Variants in FAT2 observed in about 807,000 individuals in gnomAD.
FAT2 encodes the protein FAT atypical cadherin 2, also known as protocadherin Fat 2.
Under a neutral mutation model 295.3 loss-of-function variants are expected in FAT2, and 150 were observed. That is an observed-to-expected ratio of 0.51 (90% CI 0.44 to 0.58). FAT2 has a LOEUF of 0.58. Among genes scored for constraint, FAT2 ranks in the 20% least tolerant of loss-of-function variants. FAT2 has a pLI of 0.00. For missense variants in FAT2, 4,868 were observed against 5,442.7 expected, an observed-to-expected ratio of 0.89 and a Z score of 3.32; for synonymous variants, 2,026 against 2,150.3, an observed-to-expected ratio of 0.94 and a Z score of 1.60.
Position 151,563,603 on chromosome 5 carries a change from A to G in FAT2, c.3296T>C (p.Phe1099Ser), listed in dbSNP as rs141548933. The G allele has an allele frequency of 1.2e-4, 192 of 1,614,170 alleles. 1 individual carries two copies. The African/African-American group carries it at 2.4e-3, about 20-fold the overall frequency. ...IQTLAPLDRE[F>S]ASYYWLTVLA... is the part of the protein sequence containing the mutation. ...TACCGTCAACCAGTAGTAAGATGCAAATTCTCGGTCCAGGGGTGCCAGAGT... is the reference window on the plus strand; with the variant it reads ...TACCGTCAACCAGTAGTAAGATGCAGATTCTCGGTCCAGGGGTGCCAGAGT... Residue 1099 changes from phenylalanine to serine, a missense_variant, in exon 3 of 24, where the codon TTT becomes TCT. Transcript: ENST00000261800.
intron 13 of FAT2, among the ~76,000 whole-genome samples, chr5:151,532,779 G>A (rs543195476): frequency 1.6e-4 from 24 of 152,280 alleles, no homozygotes; most frequent in African/African-American, 4.3e-4. Context: ...TTTAAGGCTC[G>A]GCTGTGAGGT....
chr5:151,568,512 G>A lies in FAT2; in HGVS notation c.420C>T (p.Asp140=), dbSNP rs761813207. The change falls in exon 2 of 24, where the codon GAC becomes GAT. Residue 140 remains aspartate, a synonymous_variant. Transcript: ENST00000261800. ...AGAAGAGAGGCTTCAGGTCATTCTGGTCCAGGATGTGGACCACCACACGGG... is the reference window on the plus strand; with the variant it reads ...AGAAGAGAGGCTTCAGGTCATTCTGATCCAGGATGTGGACCACCACACGGG... ...ALTRVVVHIL[D]QNDLKPLFSP... The A allele has an allele frequency of 3.1e-6, 5 of 1,613,992 alleles. No individual in the cohort carries two copies. In the East Asian group the frequency reaches 8.9e-5, roughly 29 times the overall value.
chr5:151,550,969 T>G, intron 7 of FAT2, 98 bp from the exon 8 acceptor site: 1 of 1,003,706 alleles, frequency 1.0e-6, no homozygotes, highest in Non-Finnish European at 1.5e-6. Flanking sequence ...CCTAGCACAG[T>G]GCCTGGCACT....
At position 151,567,301 on chromosome 5, in the gene FAT2, C is replaced by T. The variant is rs562997126; in HGVS notation, c.1631G>A (p.Arg544Gln). The change falls in exon 2 of 24, where the codon CGG becomes CAG. Residue 544 changes from arginine to glutamine, a missense_variant. By Grantham distance (43) the Arg-to-Gln change is conservative. Transcript: ENST00000261800. ...RASDWGSPFRREKEVSIFLQL... is the reference protein window; with the variant it reads ...RASDWGSPFRQEKEVSIFLQL... ...AAGAAAAATGGACACTTCCTTCTCCCGGCGAAAAGGGGATCCCCAGTCTGA... is the reference window on the plus strand; with the variant it reads ...AAGAAAAATGGACACTTCCTTCTCCTGGCGAAAAGGGGATCCCCAGTCTGA... 8.4e-5 allele frequency: 136 copies of T among 1,613,912 alleles called. 2 individuals carry two copies. The South Asian group carries it at 9.0e-4, about 11-fold the overall frequency.
At chr5:151,508,263 TTTG>T (rs1236412097) in intron 22 of FAT2, among the ~76,000 whole-genome samples, 7 of 152,206 alleles carry the variant, frequency 4.6e-5, no homozygotes, top group African/African-American at 1.7e-4. Flanking sequence ...CTACCAGTTG[TTTG>T]TTATTTTGGG....
upstream of FAT2, among the ~76,000 whole-genome samples, chr5:151,592,385 C>T (rs999211739): frequency 2.0e-5 from 3 of 152,270 alleles, no homozygotes; most frequent in East Asian, 1.9e-4. Flanking sequence ...TCGCTCCTGC[C>T]CCACAAAACT....
intron 6 of FAT2, among the ~76,000 whole-genome samples, chr5:151,551,931 T>TA (rs1757248883): frequency 1.3e-5 from 2 of 151,992 alleles, no homozygotes; most frequent in African/African-American, 4.8e-5. Context: ...CATGATATAT[T>TA]ACATTTAAAA....
In FAT2 at chr5:151,522,025, T is replaced by C. The variant is rs2127580498; in HGVS notation, c.10568A>G (p.Glu3523Gly). Residue 3523 changes from glutamate to glycine, a missense_variant, in exon 19 of 24, where the codon GAG becomes GGG. This residue lies in a region of FAT2 where 1,046 missense variants were observed against 1,210.1 expected (regional missense o/e 0.86). Coordinates refer to ENST00000261800, the MANE Select transcript of FAT2 (RefSeq NM_001447.3). The stretch of plus-strand genomic sequence containing the variant: ...AGCAGAAGGTGCATAGTGGCTCTGC[T>C]CTGTGACATGGACACGGACAGACGT... ...SLTSVRVHVT[E>G]QSHYAPSALP... The C allele has an allele frequency of 6.2e-7, 1 of 1,612,998 alleles. No individual in the cohort carries two copies. The highest frequency in any genetic ancestry group is 8.5e-7 in the Non-Finnish European group (1 of 1,179,106).
rs983973270 is a variant in FAT2, at chr5:151,507,667, C to T, written c.12060-56G>A. 5.5e-6 allele frequency: 8 copies of T among 1,465,618 alleles called. No individual in the cohort carries two copies. In the African/African-American group the frequency reaches 1.1e-4, roughly 21 times the overall value. The allele number at this position is 1,465,618 out of a possible 1,614,324, so 90.8% of individuals were successfully genotyped here. The stretch of plus-strand genomic sequence containing the variant: ...TCATGAAATTGCCCTTTCCATGTCC[C>T]CTCTTACAGAGATCTATGGGATAGA... On this transcript the variant is annotated intron_variant, in intron 22 of 23. Coordinates refer to ENST00000261800, the MANE Select transcript of FAT2 (RefSeq NM_001447.3).
intron 1 of FAT2, among the ~76,000 whole-genome samples, chr5:151,578,195 T>C (rs1758818002): frequency 1.3e-5 from 2 of 152,136 alleles, no homozygotes; most frequent in Admixed American, 6.5e-5. Flanking sequence ...TTCTTTCAGA[T>C]GGAGAAGAGA....
intron 18 of FAT2, among the ~76,000 whole-genome samples, chr5:151,522,487 T>C (rs1000272772): frequency 6.6e-6 from 1 of 152,234 alleles, no homozygotes; most frequent in Admixed American, 6.5e-5. Flanking sequence ...TGCACCCTGC[T>C]CAGCCTACGA....
chr5:151,569,287 G>T (rs1758431801), intron 1 of FAT2, among the ~76,000 whole-genome samples: 1 of 152,210 alleles, frequency 6.6e-6, no homozygotes, highest in African/African-American at 2.4e-5. Context: ...CCATAATCAT[G>T]GCAGAAGGCA....
intron 18 of FAT2, among the ~76,000 whole-genome samples, chr5:151,524,450 G>A (rs1404987346): frequency 6.6e-6 from 1 of 151,238 alleles, no homozygotes; most frequent in Non-Finnish European, 1.5e-5. Flanking sequence ...GTGATACAAT[G>A]AGAAGCCGAC....
Position 151,543,151 on chromosome 5 carries a change from A to T in FAT2, c.7976T>A (p.Phe2659Tyr). Reference protein sequence around the residue: ...LVGLENQTLDFFIKAQDGGPP... With the variant: ...LVGLENQTLDYFIKAQDGGPP... The stretch of plus-strand genomic sequence containing the variant: ...GCCTCCATCTTGGGCTTTGATGAAG[A>T]AGTCAAGGGTCTGATTTTCCAATCC... Residue 2659 changes from phenylalanine (F) to tyrosine (Y), a missense_variant, in exon 10 of 24, where the codon TTC (phenylalanine) becomes TAC (tyrosine). Physicochemically the swap from Phe to Tyr is conservative, Grantham distance 22 (BLOSUM62 3). Coordinates refer to ENST00000261800, the MANE Select transcript of FAT2 (RefSeq NM_001447.3). 1 of 1,614,108 alleles carries T rather than the reference A, an allele frequency of 6.2e-7. No homozygotes were observed. The highest frequency in any genetic ancestry group is 8.5e-7 in the Non-Finnish European group (1 of 1,180,018).
At chr5:151,511,718 C>A (rs892094774) in intron 21 of FAT2, 15 of 173,784 alleles carry the variant, frequency 8.6e-5, no homozygotes, top group East Asian at 1.4e-4. Flanking sequence ...ACAACATATA[C>A]CACTTATATA....
intron 19 of FAT2, 94 bp downstream of exon 19, chr5:151,521,180 ACT>A: frequency 7.6e-7 from 1 of 1,323,554 alleles, no homozygotes. Context: ...ACTTCCCTGA[ACT>A]CTCCCACAGA....
At chr5:151,563,697 A>C (rs2127642684) in intron 2 of FAT2, 58 bp from the exon 3 acceptor site, 1 of 1,477,600 alleles carries the variant, frequency 6.8e-7, no homozygotes, top group Middle Eastern at 1.7e-4. Flanking sequence ...GGCTTTAGAA[A>C]TCACCCTTAC....
intron 3 of FAT2, among the ~76,000 whole-genome samples, chr5:151,560,012 C>G (rs1167143618): frequency 6.6e-6 from 1 of 152,160 alleles, no homozygotes; most frequent in Non-Finnish European, 1.5e-5. Context: ...TCCCCAACAC[C>G]CTATCTCAGA....
chr5:151,586,203 A>G (rs1006790399), intron 1 of FAT2, among the ~76,000 whole-genome samples: 3 of 152,260 alleles, frequency 2.0e-5, no homozygotes, highest in Admixed American at 6.5e-5. Flanking sequence ...CAACACGTGC[A>G]CACATGCTGA....
Sources: allele counts gnomAD v4.1 joint callset (sites outside exome capture counted in the v4.1 genomes callset), GRCh38; gene constraint gnomAD v4.1.1; regional missense constraint gnomAD v4.1.1; transcripts MANE v1.5; gene names NCBI Gene and HGNC (gene_info 2026-07-23, HGNC 2026-07-21).